Variants in CEP170 observed in about 807,000 individuals in gnomAD.
CEP170 encodes centrosomal protein 170.
CEP170 carries 21 observed loss-of-function variants against 151.9 expected under a neutral mutation model. That is an observed-to-expected ratio of 0.14 (90% CI 0.10 to 0.20). The LOEUF (loss-of-function observed/expected upper bound fraction) is 0.20. Ranked by LOEUF, CEP170 falls within the 10% of genes least tolerant of loss-of-function variation. The pLI is 1.00. For missense variants in CEP170, 964 were observed against 1,892.9 expected, an observed-to-expected ratio of 0.51 and a Z score of 9.11; for synonymous variants, 356 against 648.8, an observed-to-expected ratio of 0.55 and a Z score of 6.86.
intron 4 of CEP170, among the ~76,000 whole-genome samples, chr1:243,204,128 CTCT>C (rs1233821927): frequency 1.3e-5 from 2 of 151,864 alleles, no homozygotes; most frequent in Non-Finnish European, 2.9e-5. Flanking sequence ...GAGAAATGTC[CTCT>C]ATTTTTGAAA....
intron 1 of CEP170, among the ~76,000 whole-genome samples, chr1:243,228,931 G>C (rs1213358933): frequency 1.3e-5 from 2 of 152,138 alleles, no homozygotes; most frequent in Non-Finnish European, 2.9e-5. Context: ...TCAAGATGTG[G>C]AATATTTATT....
At chr1:243,237,464 C>T (rs1474491108) in intron 1 of CEP170, among the ~76,000 whole-genome samples, 1 of 152,072 alleles carries the variant, frequency 6.6e-6, no homozygotes, top group Non-Finnish European at 1.5e-5. Context: ...CTATTATTTA[C>T]CTTAAGGATC....
chr1:243,153,461 G>A (rs1338862231), intron 14 of CEP170, among the ~76,000 whole-genome samples: 2 of 152,164 alleles, frequency 1.3e-5, no homozygotes, highest in African/African-American at 2.4e-5. Flanking sequence ...CAATCAACGT[G>A]GCAGACTTCA....
At position 243,172,850 on chromosome 1, in the gene CEP170, G is replaced by C. The variant is rs2058955810; in HGVS notation, c.1567-4C>G. On this transcript the variant is annotated splice_region_variant and splice_polypyrimidine_tract_variant and intron_variant, in intron 10 of 19. Transcript: ENST00000366542. ...GATTGTCATCTACTCCAAACACCTA[G>C]AGGGAAAAATTATTTTATAAATGAA... 6 of 1,537,994 alleles carry C rather than the reference G, an allele frequency of 3.9e-6. No homozygotes were observed. The South Asian group carries it at 6.3e-5, about 16-fold the overall frequency.
chr1:243,164,058 G>A (rs1215872575), intron 13 of CEP170, among the ~76,000 whole-genome samples: 6 of 151,960 alleles, frequency 3.9e-5, no homozygotes, highest in Admixed American at 2.6e-4. Context: ...ACTATTTTGC[G>A]CCAGGACTCT....
chr1:243,219,178 G>A (rs906679762), intron 3 of CEP170, among the ~76,000 whole-genome samples: 4 of 152,084 alleles, frequency 2.6e-5, no homozygotes, highest in Admixed American at 1.3e-4. Flanking sequence ...TATACTAAGC[G>A]CACACTCAAA....
chr1:243,127,725 G>A (rs1367803808), intron 19 of CEP170, among the ~76,000 whole-genome samples: 1 of 152,216 alleles, frequency 6.6e-6, no homozygotes, highest in Admixed American at 6.5e-5. Context: ...ACATACATAG[G>A]CATTAATGCA....
In CEP170 at chr1:243,124,844, G is replaced by A. The variant is rs1237158223; in HGVS notation, c.*1605C>T. On this transcript the variant is annotated 3_prime_UTR_variant, in exon 20 of 20. Coordinates refer to ENST00000366542, the MANE Select transcript of CEP170 (RefSeq NM_014812.3). ...AGTCTTCCTTTATTAGACAGAATGG[G>A]GAATTTAGCTTTACAAGGAGAATAG... 6.6e-6 allele frequency: 1 copy of A among 151,332 alleles called. No individual in the cohort carries two copies. The highest frequency in any genetic ancestry group is 1.5e-5 in the Non-Finnish European group (1 of 67,820). 9.4% of individuals were successfully genotyped at this position (151,332 alleles called of 1,614,324 possible).
At chr1:243,201,890 A>G (rs1315290582) in intron 4 of CEP170, among the ~76,000 whole-genome samples, 1 of 152,108 alleles carries the variant, frequency 6.6e-6, no homozygotes, top group Admixed American at 6.6e-5. Flanking sequence ...CTATTAATCT[A>G]CATTGCTTTT....
At chr1:243,150,728 T>C (rs906980195) in intron 14 of CEP170, among the ~76,000 whole-genome samples, 2 of 152,208 alleles carry the variant, frequency 1.3e-5, no homozygotes, top group Admixed American at 6.5e-5. Context: ...GTTCTAACTA[T>C]AATCATAAAC....
chr1:243,178,308 C>CAAAAAAAAAAAAAAAA (rs869094317), intron 10 of CEP170, among the ~76,000 whole-genome samples: 1 of 30,428 alleles, frequency 3.3e-5, no homozygotes, highest in African/African-American at 1.6e-4. Context: ...GACTCTGCCT[C>CAAAAAAAAAAAAAAAA]AAAAAAAAAA....
chr1:243,150,866 C>A (rs2789245), intron 14 of CEP170, among the ~76,000 whole-genome samples: 80 of 152,244 alleles, frequency 5.3e-4, no homozygotes, highest in African/African-American at 1.8e-3. Context: ...TCCATTTTAC[C>A]GATGAGATCA....
intron 10 of CEP170, among the ~76,000 whole-genome samples, chr1:243,175,352 G>A (rs2059155964): frequency 6.6e-6 from 1 of 152,174 alleles, no homozygotes; most frequent in Non-Finnish European, 1.5e-5. Context: ...AAGTGGTAGG[G>A]CCTGACCTAC....
intron 1 of CEP170, among the ~76,000 whole-genome samples, chr1:243,254,786 C>CG (rs2066437923): frequency 3.0e-4 from 2 of 6,628 alleles, no homozygotes; most frequent in South Asian, 6.4e-3. Context: ...ACTGGAGCTC[C>CG]GGGGGGCGGC....
At position 243,124,530 on chromosome 1, in the gene CEP170, C is replaced by A. The variant is rs1431961635; in HGVS notation, c.*1919G>T. The A allele has an allele frequency of 6.6e-6, 1 of 152,472 alleles. No homozygotes were observed. Among genetic ancestry groups the A allele is most frequent in the Non-Finnish European group, 1.5e-5 (1 of 67,966 alleles). 9.4% of individuals were successfully genotyped at this position (152,472 alleles called of 1,614,324 possible). A position where few individuals can be genotyped will look rare whatever the true frequency, so the allele number is the denominator to read the frequency against. ...AAATAAATAAGGAGGATAATGTATT[C>A]ATACAAAATAAAAATAACATAGTAA... On this transcript the variant is annotated 3_prime_UTR_variant, in exon 20 of 20. Coordinates refer to ENST00000366542, the MANE Select transcript of CEP170 (RefSeq NM_014812.3).
intron 4 of CEP170, among the ~76,000 whole-genome samples, chr1:243,208,815 G>A (rs1279226233): frequency 6.6e-6 from 1 of 152,178 alleles, no homozygotes; most frequent in African/African-American, 2.4e-5. Flanking sequence ...CCCCACTAAA[G>A]TGTAGGCTAC....
chr1:243,136,932 T>G (rs2055158826), intron 16 of CEP170, among the ~76,000 whole-genome samples: 1 of 152,040 alleles, frequency 6.6e-6, no homozygotes, highest in South Asian at 2.1e-4. Context: ...CACAAAATAG[T>G]AAGTTTTTGT....
At chr1:243,239,319 T>A (rs2064576398) in intron 1 of CEP170, among the ~76,000 whole-genome samples, 1 of 152,204 alleles carries the variant, frequency 6.6e-6, no homozygotes, top group South Asian at 2.1e-4. Flanking sequence ...TCCCTTTGAT[T>A]CCACATCCTA....
chr1:243,155,032 C>G (rs1016779830), intron 14 of CEP170, among the ~76,000 whole-genome samples: 2 of 152,162 alleles, frequency 1.3e-5, no homozygotes, highest in African/African-American at 2.4e-5. Context: ...TCAAGATGCT[C>G]TCACTACAAG....
Sources: allele counts gnomAD v4.1 joint callset (sites outside exome capture counted in the v4.1 genomes callset), GRCh38; gene constraint gnomAD v4.1.1; transcripts MANE v1.5; gene names NCBI Gene and HGNC (gene_info 2026-07-23, HGNC 2026-07-21).